PDCD4: variants seen among roughly 807,000 people sequenced by gnomAD.
The protein encoded by PDCD4 is programmed cell death 4, also known as programmed cell death protein 4.
A neutral mutation model predicts 54.0 loss-of-function variants in PDCD4; 56 were observed. The observed-to-expected ratio is 1.04, with a 90% CI of 0.84 to 1.30. The LOEUF (loss-of-function observed/expected upper bound fraction) is 1.30, where lower values mean the gene tolerates loss of function less well. Among genes scored for constraint, PDCD4 ranks in the 50% most tolerant of loss-of-function variants. The pLI, the probability that PDCD4 is intolerant of heterozygous loss-of-function variation, is 0.00. For synonymous variants in PDCD4, 186 were observed against 194.8 expected, an observed-to-expected ratio of 0.95 and a Z score of 0.37; for missense variants, 584 against 559.8, an observed-to-expected ratio of 1.04 and a Z score of -0.44.
At chr10:110,894,019 AT>A (rs750061024) in intron 8 of PDCD4, 71 bp from the exon 9 acceptor site, 2 of 873,570 alleles carry the variant, frequency 2.3e-6, no homozygotes, top group Non-Finnish European at 3.8e-6. Flanking sequence ...ATGAGGGCAA[AT>A]AATCCTGTAG....
intron 1 of PDCD4, among the ~76,000 whole-genome samples, chr10:110,872,459 C>G (rs1289093130): frequency 6.6e-6 from 1 of 152,240 alleles, no homozygotes; most frequent in African/African-American, 2.4e-5. Context: ...CCTCCCCGCC[C>G]CCTGCCCTCC....
At chr10:110,892,815 A>T (rs1361896834) in intron 8 of PDCD4, among the ~76,000 whole-genome samples, 1 of 152,182 alleles carries the variant, frequency 6.6e-6, no homozygotes, top group African/African-American at 2.4e-5. Flanking sequence ...CTTTACATTC[A>T]CTAACCACTC....
At position 110,898,009 on chromosome 10, in the gene PDCD4, T is replaced by C; in HGVS notation, c.1350-19T>C. The stretch of plus-strand genomic sequence containing the variant: ...AGAATTTGTATCTGTTTTCATGTCT[T>C]TTTTTTTCTTCATTACAGGGGCAGA... On this transcript the variant is annotated intron_variant, in intron 11 of 11. Coordinates refer to ENST00000280154, the MANE Select transcript of PDCD4 (RefSeq NM_014456.5). The C allele has an allele frequency of 6.4e-7, 1 of 1,561,696 alleles. No individual in the cohort carries two copies. Among genetic ancestry groups the C allele is most frequent in the Admixed American group, 1.8e-5 (1 of 54,760 alleles).
chr10:110,885,224 A>G, intron 4 of PDCD4, 29 bp from the exon 5 acceptor site: 11 of 1,035,164 alleles, frequency 1.1e-5, no homozygotes, highest in Non-Finnish European at 8.8e-6. Flanking sequence ...TTTGTTTTTT[A>G]TAACTCTTAC....
intron 8 of PDCD4, among the ~76,000 whole-genome samples, chr10:110,893,419 G>A (rs918943378): frequency 1.3e-5 from 2 of 149,434 alleles, no homozygotes; most frequent in Non-Finnish European, 3.0e-5. Context: ...AAATACAAAG[G>A]GGATTTTAAC....
chr10:110,882,963 A>C (rs749299480), intron 3 of PDCD4, 40 bp from the exon 4 acceptor site: 3 of 1,169,346 alleles, frequency 2.6e-6, no homozygotes, highest in Non-Finnish European at 2.5e-6. Context: ...CAAATTGATG[A>C]ATTTTGTGTT....
At chr10:110,876,706 A>G (rs1845511023) in intron 2 of PDCD4, 6 of 1,295,954 alleles carry the variant, frequency 4.6e-6, no homozygotes, top group East Asian at 2.8e-5. Flanking sequence ...CTTCAATAGC[A>G]TGTTATTATC....
chr10:110,874,123 G>A (rs927329864), intron 1 of PDCD4, among the ~76,000 whole-genome samples: 4 of 152,174 alleles, frequency 2.6e-5, no homozygotes, highest in African/African-American at 4.8e-5. Flanking sequence ...GCAGCTGTCT[G>A]TCCTTGGACA....
Position 110,887,650 on chromosome 10 carries a change from TA to T in PDCD4, c.556-14del. On this transcript the variant is annotated splice_polypyrimidine_tract_variant and intron_variant, in intron 5 of 11. Coordinates refer to ENST00000280154, the MANE Select transcript of PDCD4 (RefSeq NM_014456.5). ...ATACACTTTTAAAATGTTTTTAAAT[TA>T]TTTTTTTGAACAGGAAATGTTAAGA... 1.3e-6 allele frequency: 2 copies of T among 1,573,470 alleles called. No individual in the cohort carries two copies. The highest frequency in any genetic ancestry group is 1.7e-6 in the Non-Finnish European group (2 of 1,147,756).
Position 110,887,579 on chromosome 10 carries a change from A to G in PDCD4, c.556-86A>G, listed in dbSNP as rs1845686953. On this transcript the variant is annotated intron_variant, in intron 5 of 11. Coordinates refer to ENST00000280154, the MANE Select transcript of PDCD4 (RefSeq NM_014456.5). ...GTGAGACGTAGAGATATATAGATAA[A>G]AGCTCAATTTTTCAAAAATAAAATT... The G allele has an allele frequency of 2.1e-5, 18 of 863,320 alleles. No individual in the cohort carries two copies. The South Asian group carries it at 3.1e-4, about 15-fold the overall frequency. The allele number at this position is 863,320 out of a possible 1,614,324, so 53.5% of individuals were successfully genotyped here.
chr10:110,886,240 G>A (rs1845667886), intron 5 of PDCD4, among the ~76,000 whole-genome samples: 1 of 152,194 alleles, frequency 6.6e-6, no homozygotes. Flanking sequence ...GGCAGGGACT[G>A]TTGAAATCTT....
intron 3 of PDCD4, 57 bp downstream of exon 3, chr10:110,881,592 G>C: frequency 6.9e-7 from 1 of 1,451,468 alleles, no homozygotes; most frequent in Non-Finnish European, 9.4e-7. Flanking sequence ...AAAATTGTCT[G>C]GTTCTTGTAC....
chr10:110,895,609 C>T (rs558461791), intron 10 of PDCD4, among the ~76,000 whole-genome samples: 7 of 152,200 alleles, frequency 4.6e-5, no homozygotes, highest in South Asian at 4.2e-4. Flanking sequence ...ATGGGATTGT[C>T]GGGTTGAACG....
chr10:110,895,949 G>A lies in PDCD4; in HGVS notation c.1211G>A (p.Gly404Asp). Reference sequence around the variant, plus strand: ...CTGCATGTAATTTCATTGTTGTAGGGTTATGAGAGAATTTACAATGAAATT... The same window carrying A: ...CTGCATGTAATTTCATTGTTGTAGGATTATGAGAGAATTTACAATGAAATT... ...STITVDQMKR[G>D]YERIYNEIPD... The change falls in exon 11 of 12, where the codon GGT becomes GAT. Residue 404 changes from glycine (G) to aspartate (D), a missense_variant and splice_region_variant. By Grantham distance (94) the Gly-to-Asp change is moderately conservative (BLOSUM62 -1). Transcript: ENST00000280154. 6.3e-7 allele frequency: 1 copy of A among 1,595,578 alleles called. No homozygotes were observed. Among genetic ancestry groups the A allele is most frequent in the Non-Finnish European group, 8.5e-7 (1 of 1,170,476 alleles).
intron 6 of PDCD4, 22 bp downstream of exon 6, chr10:110,887,908 G>T: frequency 6.9e-7 from 1 of 1,458,932 alleles, no homozygotes. Context: ...TCTTCTTTTT[G>T]TTCATTCCCT....
intron 10 of PDCD4, among the ~76,000 whole-genome samples, chr10:110,894,938 G>A (rs573428014): frequency 4.7e-4 from 72 of 151,860 alleles, no homozygotes; most frequent in Admixed American, 1.7e-3. Context: ...TTTTTAAAAA[G>A]GTAGTAAGTG....
At chr10:110,895,530 C>A (rs77482488) in intron 10 of PDCD4, among the ~76,000 whole-genome samples, 1 of 151,968 alleles carries the variant, frequency 6.6e-6, no homozygotes. Context: ...GAATAGTACC[C>A]GATAAATATA....
At chr10:110,882,393 T>C (rs539533153) in intron 3 of PDCD4, among the ~76,000 whole-genome samples, 4 of 152,308 alleles carry the variant, frequency 2.6e-5, no homozygotes, top group African/African-American at 9.6e-5. Context: ...ACTTTGAAAA[T>C]TGGAATTGTT....
intron 1 of PDCD4, among the ~76,000 whole-genome samples, chr10:110,873,522 AAC>A (rs1845454643): frequency 6.6e-6 from 1 of 152,202 alleles, no homozygotes; most frequent in East Asian, 1.9e-4. Context: ...TATTTCGTGT[AAC>A]ACACTGGAGA....
Sources: allele counts gnomAD v4.1 joint callset (sites outside exome capture counted in the v4.1 genomes callset), GRCh38; gene constraint gnomAD v4.1.1; transcripts MANE v1.5; gene names NCBI Gene and HGNC (gene_info 2026-07-23, HGNC 2026-07-21).